AGBL4: variants seen among roughly 807,000 people sequenced by gnomAD.
AGBL4 encodes the protein cytosolic carboxypeptidase 6.
A neutral mutation model predicts 66.4 loss-of-function variants in AGBL4; 58 were observed. That is an observed-to-expected ratio of 0.87 (90% CI 0.71 to 1.09). The LOEUF (loss-of-function observed/expected upper bound fraction) is 1.09, where lower values mean the gene tolerates loss of function less well. AGBL4 is among the 50% of genes least tolerant of loss of function. The pLI, the probability that AGBL4 is intolerant of heterozygous loss-of-function variation, is 0.00. For synonymous variants in AGBL4, 234 were observed against 222.9 expected (o/e 1.05, Z -0.44); for missense variants, 579 against 631.0 (o/e 0.92, Z 0.88).
At chr1:49,180,254 C>T (rs1210626860) in intron 4 of AGBL4, among the ~76,000 whole-genome samples, 4 of 152,200 alleles carry the variant, frequency 2.6e-5, no homozygotes, top group South Asian at 4.2e-4. Context: ...ATAATAGTAC[C>T]AATCTCATAT....
At chr1:48,737,159 C>T (rs2148579232) in intron 6 of AGBL4, among the ~76,000 whole-genome samples, 1 of 152,216 alleles carries the variant, frequency 6.6e-6, no homozygotes, top group East Asian at 1.9e-4. Flanking sequence ...TGGCACGCAC[C>T]TGTAGTCCCA....
intron 5 of AGBL4, among the ~76,000 whole-genome samples, chr1:48,979,162 TC>T (rs1168210433): frequency 6.6e-6 from 1 of 152,204 alleles, no homozygotes; most frequent in Non-Finnish European, 1.5e-5. Context: ...GTCCACACTT[TC>T]TGTGTGTATA....
chr1:49,391,563 G>T (rs199728121), intron 3 of AGBL4, among the ~76,000 whole-genome samples: 238 of 114,250 alleles, frequency 2.1e-3, no homozygotes, highest in East Asian at 6.2e-3. Context: ...TTTTTTTTTT[G>T]TTTTTTTTTT....
intron 5 of AGBL4, among the ~76,000 whole-genome samples, chr1:48,978,937 G>A (rs184792064): frequency 6.6e-6 from 1 of 152,204 alleles, no homozygotes; most frequent in East Asian, 1.9e-4. Context: ...CAAGATAAAG[G>A]TAAATAATTA....
chr1:48,654,163 T>C (rs319992), intron 7 of AGBL4, among the ~76,000 whole-genome samples: 97,664 of 152,044 alleles, frequency 0.64, 31,660 homozygotes, highest in Middle Eastern at 0.72. Flanking sequence ...CCCCATGTCC[T>C]TTTCTTGAAT....
At chr1:50,008,490 C>T (rs1272223890) in intron 1 of AGBL4, among the ~76,000 whole-genome samples, 1 of 151,770 alleles carries the variant, frequency 6.6e-6, no homozygotes, top group Non-Finnish European at 1.5e-5. Context: ...CATAACATAC[C>T]AAAACCTGTG....
chr1:48,737,529 C>T (rs1649262618), intron 6 of AGBL4, among the ~76,000 whole-genome samples: 1 of 152,156 alleles, frequency 6.6e-6, no homozygotes, highest in South Asian at 2.1e-4. Context: ...TGGATTTCAT[C>T]TCAAAGTTCC....
intron 3 of AGBL4, among the ~76,000 whole-genome samples, chr1:49,614,676 A>G (rs1489154071): frequency 6.6e-6 from 1 of 152,168 alleles, no homozygotes; most frequent in Non-Finnish European, 1.5e-5. Context: ...AGTGTATAAA[A>G]AGAATTCCAG....
chr1:49,577,258 A>G (rs1644455381), intron 3 of AGBL4, among the ~76,000 whole-genome samples: 2 of 152,144 alleles, frequency 1.3e-5, no homozygotes, highest in Admixed American at 1.3e-4. Flanking sequence ...TGTGGATACC[A>G]CTCAGCCTCT....
At chr1:48,804,100 T>C (rs1645869443) in intron 6 of AGBL4, among the ~76,000 whole-genome samples, 1 of 152,182 alleles carries the variant, frequency 6.6e-6, no homozygotes. Flanking sequence ...CACTAGCTCT[T>C]ATTATTATTT....
intron 2 of AGBL4, among the ~76,000 whole-genome samples, chr1:49,769,938 G>A (rs1278619390): frequency 6.6e-6 from 1 of 152,080 alleles, no homozygotes. Flanking sequence ...AAAAGCAATT[G>A]CAACAAAAAA....
intron 7 of AGBL4, 123 bp downstream of exon 7, chr1:48,663,029 A>T: frequency 1.2e-6 from 1 of 864,058 alleles, no homozygotes; most frequent in Non-Finnish European, 1.8e-6. Flanking sequence ...AAATCTCTTT[A>T]AAGAAATGCA....
chr1:49,718,700 T>C (rs867672965), intron 2 of AGBL4, among the ~76,000 whole-genome samples: 19 of 152,186 alleles, frequency 1.2e-4, no homozygotes, highest in Non-Finnish European at 1.6e-4. Context: ...ATTAAACTTA[T>C]ATTATAAGTT....
chr1:49,670,088 T>A (rs1646447887), intron 3 of AGBL4, among the ~76,000 whole-genome samples: 1 of 151,842 alleles, frequency 6.6e-6, no homozygotes, highest in Non-Finnish European at 1.5e-5. Flanking sequence ...GAAAAAAAAA[T>A]TTAAAAATCA....
chr1:49,135,395 A>C (rs1303840943), intron 4 of AGBL4, among the ~76,000 whole-genome samples: 1 of 152,134 alleles, frequency 6.6e-6, no homozygotes, highest in Non-Finnish European at 1.5e-5. Context: ...AGACCAGTTC[A>C]GTCTGGGAGA....
intron 2 of AGBL4, among the ~76,000 whole-genome samples, chr1:49,747,944 T>TTG (rs4012953): frequency 0.6 from 88,410 of 147,446 alleles, 27,583 homozygotes; most frequent in Non-Finnish European, 0.72. Flanking sequence ...GTGTGTGTGT[T>TTG]TGTGTGTGTG....
At chr1:49,108,555 T>C (rs1645342799) in intron 4 of AGBL4, among the ~76,000 whole-genome samples, 1 of 152,160 alleles carries the variant, frequency 6.6e-6, no homozygotes, top group African/African-American at 2.4e-5. Flanking sequence ...CTGCAAGTAA[T>C]GGTTCTGGAA....
intron 3 of AGBL4, among the ~76,000 whole-genome samples, chr1:49,676,985 T>C (rs1364481166): frequency 6.6e-6 from 1 of 152,140 alleles, no homozygotes; most frequent in Non-Finnish European, 1.5e-5. Flanking sequence ...TGCTGTGTCT[T>C]TCACTATTCC....
chr1:48,934,836 C>T (rs573360812), intron 5 of AGBL4, among the ~76,000 whole-genome samples: 34 of 152,224 alleles, frequency 2.2e-4, no homozygotes, highest in Middle Eastern at 6.8e-3. Context: ...CTATTCAGTC[C>T]CTGGCTCCAA....
Sources: gnomAD v4.1 joint callset for allele counts (sites outside exome capture counted in the v4.1 genomes callset) on GRCh38, gnomAD v4.1.1 for gene constraint, MANE v1.5 for transcripts, NCBI Gene and HGNC (gene_info 2026-07-23, HGNC 2026-07-21) for gene names.